The following DLGAP3 variants were observed in gnomAD, a reference collection of about 807,000 sequenced individuals.
DLGAP3 encodes the protein disks large-associated protein 3.
Under a neutral mutation model 81.2 loss-of-function variants are expected in DLGAP3, and 17 were observed. That is an observed-to-expected ratio of 0.21 (90% confidence interval 0.14 to 0.31). The LOEUF is 0.31. Ranked by LOEUF, DLGAP3 falls within the 10% of genes least tolerant of loss-of-function variation. DLGAP3 has a pLI of 1.00. For missense variants in DLGAP3, 1,124 were observed against 1,388.0 expected, an observed-to-expected ratio of 0.81 and a Z score of 3.02; for synonymous variants, 577 against 587.4, an observed-to-expected ratio of 0.98 and a Z score of 0.26.
In DLGAP3 at chr1:34,866,070, C is replaced by T. The variant is rs1380302983; in HGVS notation, c.*13G>A. ...AACCGCGGGCCCGGGCCGGGCTGGG[C>T]GGGCCGGACCGGTCACAGCCTGGTC... is the stretch of plus-strand genomic sequence containing the variant. On this transcript the variant is annotated 3_prime_UTR_variant, in exon 12 of 12. Coordinates refer to ENST00000373347, the MANE Select transcript of DLGAP3 (RefSeq NM_001080418.3). 1 of 1,588,098 alleles carries T rather than the reference C, an allele frequency of 6.3e-7. No individual in the cohort carries two copies. The highest frequency in any genetic ancestry group is 8.5e-7 in the Non-Finnish European group (1 of 1,173,036).
In DLGAP3 at chr1:34,865,591, C is replaced by T; in HGVS notation, c.*492G>A. 2 of 223,070 alleles carry T rather than the reference C, an allele frequency of 9.0e-6. No individual in the cohort carries two copies. Among genetic ancestry groups the T allele is most frequent in the Non-Finnish European group, 1.8e-5 (2 of 110,656 alleles). The allele number at this position is 223,070 out of a possible 1,614,324, so 13.8% of individuals were successfully genotyped here. A position where few individuals can be genotyped will look rare whatever the true frequency, so the allele number is the denominator to read the frequency against. On this transcript the variant is annotated 3_prime_UTR_variant, in exon 12 of 12. Transcript: ENST00000373347. ...CCTGGGTTGGTCCAGCCACTGTGGT[C>T]CCTGGGCCCAGTGGGCAGAGGGCTG... is the stretch of plus-strand genomic sequence containing the variant.
chr1:34,921,541 A>G (rs1168591467), intron 1 of DLGAP3, among the ~76,000 whole-genome samples: 1 of 151,990 alleles, frequency 6.6e-6, no homozygotes, highest in Non-Finnish European at 1.5e-5. Flanking sequence ...CACTCTCCTT[A>G]TTTGGTTCCA....
At position 34,885,892 on chromosome 1, in the gene DLGAP3, C is replaced by T. The variant is rs576160422; in HGVS notation, c.1601-101G>A. ...CCACCCTCAAGAGGCCCTACGGGAC[C>T]CTGCAGCGGCGCGCACTCCACATGC... On this transcript the variant is annotated intron_variant, in intron 6 of 11. Coordinates refer to ENST00000373347, the MANE Select transcript of DLGAP3 (RefSeq NM_001080418.3). 3 of 1,182,988 alleles carry T rather than the reference C, an allele frequency of 2.5e-6. No homozygotes were observed. In the East Asian group the frequency reaches 7.8e-5, roughly 31 times the overall value. 73.3% of individuals were successfully genotyped at this position (1,182,988 alleles called of 1,614,324 possible). A position where few individuals can be genotyped will look rare whatever the true frequency, so the allele number is the denominator to read the frequency against.
In DLGAP3 at chr1:34,900,230, T is replaced by C. The variant is rs759558059; in HGVS notation, c.1151A>G (p.Asp384Gly). ...CATCCTGCGGCAGGGGATCTCCCCA[T>C]CCTTGCCACCGGTGGGGTAACCCCC... ...DWGGYPTGGK[D>G]GEIPCRRMRS... is the part of the protein sequence containing the mutation. Residue 384 changes from aspartate (D) to glycine (G), a missense_variant, in exon 4 of 12, where the codon GAT (aspartate) becomes GGT (glycine). Asp to Gly is a moderately conservative substitution (Grantham distance 94). Coordinates refer to ENST00000373347, the MANE Select transcript of DLGAP3 (RefSeq NM_001080418.3). The surrounding 1 kb of genome is among the most constrained non-coding windows in gnomAD (Gnocchi z 5.6). 10 of 1,613,922 alleles carry C rather than the reference T, an allele frequency of 6.2e-6. No homozygotes were observed. Among genetic ancestry groups the C allele is most frequent in the African/African-American group, 1.3e-5 (1 of 74,916 alleles).
At chr1:34,886,007 C>A in intron 6 of DLGAP3, 65 bp downstream of exon 6, 1 of 1,480,736 alleles carries the variant, frequency 6.8e-7, no homozygotes, top group Non-Finnish European at 9.2e-7. Flanking sequence ...GAGGGGGAGG[C>A]CAGAACCCGG....
At chr1:34,916,435 T>C (rs1639716739) in intron 1 of DLGAP3, among the ~76,000 whole-genome samples, 1 of 152,266 alleles carries the variant, frequency 6.6e-6, no homozygotes. Flanking sequence ...CCAGACCCAG[T>C]GTTAAGCGCT....
Position 34,900,722 on chromosome 1 carries a change from T to C in DLGAP3, c.1108-449A>G, listed in dbSNP as rs534405636. On this transcript the variant is annotated intron_variant, in intron 3 of 11. Coordinates refer to ENST00000373347, the MANE Select transcript of DLGAP3 (RefSeq NM_001080418.3). This position sits in a 1 kb window ranked among gnomAD's most constrained non-coding sequence, Gnocchi z 5.6. ...TTCATGCAGGGGAGTGACATCAGAT[T>C]TGTGTTGCAGAAAGAGCTCTCCCAC... Among the ~76,000 whole-genome samples, 2 of 152,182 alleles carry C rather than the reference T, an allele frequency of 1.3e-5. No homozygotes were observed. Among genetic ancestry groups the C allele is most frequent in the Admixed American group, 6.5e-5 (1 of 15,294 alleles).
intron 1 of DLGAP3, among the ~76,000 whole-genome samples, chr1:34,912,113 T>C (rs376002791): frequency 1.3e-5 from 2 of 152,212 alleles, no homozygotes; most frequent in Non-Finnish European, 2.9e-5. Context: ...AATAAAGGTA[T>C]GAATGATGTA....
intron 1 of DLGAP3, among the ~76,000 whole-genome samples, chr1:34,915,294 G>C (rs1233485389): frequency 6.6e-6 from 1 of 152,176 alleles, no homozygotes; most frequent in East Asian, 1.9e-4. Context: ...GGCTTCTTTT[G>C]ACTTTAGCAC....
chr1:34,880,934 A>G (rs1326024143), intron 8 of DLGAP3, among the ~76,000 whole-genome samples: 2 of 152,182 alleles, frequency 1.3e-5, no homozygotes, highest in African/African-American at 2.4e-5. Context: ...CCTATCCCCA[A>G]AAGGCATCAG....
At chr1:34,915,426 AGGGGTCCACTGGGCAG>A (rs1215036391) in intron 1 of DLGAP3, among the ~76,000 whole-genome samples, 2 of 152,188 alleles carry the variant, frequency 1.3e-5, no homozygotes, top group Admixed American at 1.3e-4. Flanking sequence ...AGCCCATGGC[AGGGGTCCACTGGGCAG>A]GAGTTACTCA....
chr1:34,920,301 G>A (rs762744015), intron 1 of DLGAP3, among the ~76,000 whole-genome samples: 1 of 152,132 alleles, frequency 6.6e-6, no homozygotes, highest in South Asian at 2.1e-4. Flanking sequence ...CAGAGACCCC[G>A]CATGGCAGCC....
rs963686032 is a variant in DLGAP3, at chr1:34,900,564, G to A, written c.1108-291C>T. On this transcript the variant is annotated intron_variant, in intron 3 of 11. Coordinates refer to ENST00000373347, the MANE Select transcript of DLGAP3 (RefSeq NM_001080418.3). The surrounding 1 kb of genome is among the most constrained non-coding windows in gnomAD (Gnocchi z 5.6). ...ATGATCAGAGGCCAAAGTGACCTGTGTCAATCCCATGCCCAGCAGTCAGGC... is the reference window on the plus strand; with the variant it reads ...ATGATCAGAGGCCAAAGTGACCTGTATCAATCCCATGCCCAGCAGTCAGGC... 6.6e-6 allele frequency among the ~76,000 whole-genome samples: 1 copy of A among 152,216 alleles called. No homozygotes were observed. The highest frequency in any genetic ancestry group is 2.4e-5 in the African/African-American group (1 of 41,464).
At chr1:34,892,670 AC>A (rs1639330208) in intron 5 of DLGAP3, among the ~76,000 whole-genome samples, 1 of 88,990 alleles carries the variant, frequency 1.1e-5, no homozygotes, top group Non-Finnish European at 2.5e-5. Flanking sequence ...GGTGCCCACT[AC>A]TGTGCCTACC....
At chr1:34,866,920 T>C (rs1284121609) in intron 11 of DLGAP3, 128 bp downstream of exon 11, 3 of 1,085,546 alleles carry the variant, frequency 2.8e-6, no homozygotes, top group East Asian at 4.7e-5. Context: ...ACCTATCACC[T>C]GTCCAAGGCT....
At chr1:34,881,439 A>T (rs1639143218) in intron 8 of DLGAP3, among the ~76,000 whole-genome samples, 1 of 152,176 alleles carries the variant, frequency 6.6e-6, no homozygotes, top group South Asian at 2.1e-4. Context: ...AAGTCTTTTT[A>T]AAAAGGATGG....
intron 8 of DLGAP3, among the ~76,000 whole-genome samples, chr1:34,874,874 G>T (rs943583576): frequency 6.6e-6 from 1 of 152,048 alleles, no homozygotes. Flanking sequence ...TTTCAACTAG[G>T]CATAGCCTTC....
At chr1:34,925,957 G>A (rs1023280959) in intron 1 of DLGAP3, among the ~76,000 whole-genome samples, 8 of 152,238 alleles carry the variant, frequency 5.3e-5, no homozygotes, top group African/African-American at 1.9e-4. Context: ...CTTATGTGCA[G>A]ATGGTAGAGA....
chr1:34,878,873 A>G (rs1639100096), intron 8 of DLGAP3, among the ~76,000 whole-genome samples: 1 of 152,060 alleles, frequency 6.6e-6, no homozygotes, highest in Non-Finnish European at 1.5e-5. Flanking sequence ...GATGGAGACC[A>G]TCCTGGCTAA....
Sources: gnomAD v4.1 joint callset for allele counts (sites outside exome capture counted in the v4.1 genomes callset) on GRCh38, gnomAD v4.1.1 for gene constraint, Gnocchi (gnomAD v3.1) non-coding constraint, MANE v1.5 for transcripts, NCBI Gene and HGNC (gene_info 2026-07-23, HGNC 2026-07-21) for gene names.